Variants in BBS5 observed in about 807,000 individuals in gnomAD.
BBS5 encodes the protein Bardet-Biedl syndrome 5, also known as BBSome complex member BBS5.
Under a neutral mutation model 50.2 loss-of-function variants are expected in BBS5, and 39 were observed. The ratio of observed to expected loss-of-function variants is 0.78; its 90% CI spans 0.60 to 1.01. The LOEUF is 1.01. Among genes scored for constraint, BBS5 ranks in the 50% least tolerant of loss-of-function variants. The pLI is 0.00. For synonymous variants in BBS5, 134 were observed against 133.1 expected, an observed-to-expected ratio of 1.01 and a Z score of -0.05; for missense variants, 356 against 401.5, an observed-to-expected ratio of 0.89 and a Z score of 0.97.
At chr2:169,487,757 C>T in intron 3 of BBS5, 49 bp from the exon 4 acceptor site, 1 of 1,364,482 alleles carries the variant, frequency 7.3e-7, no homozygotes, top group Non-Finnish European at 1.0e-6. Context: ...AGTATTTTTT[C>T]TCAGTGTACC....
intron 2 of BBS5, among the ~76,000 whole-genome samples, chr2:169,485,291 C>T (rs975332470): frequency 1.5e-4 from 23 of 152,152 alleles, no homozygotes; most frequent in Non-Finnish European, 2.8e-4. Context: ...TATTGACAGT[C>T]ACTGTTCTGA....
At chr2:169,490,871 G>C (rs999433744) in intron 5 of BBS5, among the ~76,000 whole-genome samples, 1 of 152,116 alleles carries the variant, frequency 6.6e-6, no homozygotes, top group African/African-American at 2.4e-5. Context: ...ATATGGATTT[G>C]CCTGTTCTGG....
chr2:169,501,382 T>C (rs1683798565), intron 9 of BBS5, among the ~76,000 whole-genome samples: 1 of 152,140 alleles, frequency 6.6e-6, no homozygotes, highest in Admixed American at 6.6e-5. Flanking sequence ...TCAATCCCAG[T>C]TTCATCATTT....
intron 1 of BBS5, among the ~76,000 whole-genome samples, chr2:169,481,567 A>G (rs779905756): frequency 1.3e-5 from 2 of 152,072 alleles, no homozygotes. Context: ...TTCAATAGGT[A>G]GTTGAGTTGG....
At chr2:169,499,712 G>A (rs1683764525) in intron 9 of BBS5, 92 bp downstream of exon 9, 7 of 1,338,730 alleles carry the variant, frequency 5.2e-6, no homozygotes, top group Non-Finnish European at 7.5e-6. Flanking sequence ...ATTTAATTTT[G>A]AACTGTTTTT....
chr2:169,485,564 T>C (rs1351881847), intron 2 of BBS5, among the ~76,000 whole-genome samples: 2 of 152,202 alleles, frequency 1.3e-5, no homozygotes, highest in African/African-American at 4.8e-5. Context: ...CTCTACTGCC[T>C]CCATTGCTAA....
At chr2:169,481,651 A>T (rs1683398344) in intron 1 of BBS5, among the ~76,000 whole-genome samples, 4 of 150,848 alleles carry the variant, frequency 2.7e-5, no homozygotes, top group African/African-American at 9.7e-5. Flanking sequence ...TGTAGAATGT[A>T]TTCTGTCTGT....
intron 5 of BBS5, among the ~76,000 whole-genome samples, chr2:169,492,096 C>T (rs953367687): frequency 3.3e-5 from 5 of 151,536 alleles, no homozygotes; most frequent in African/African-American, 7.3e-5. Flanking sequence ...TGTGCCCGGC[C>T]GAGAAAAAGT....
intron 5 of BBS5, among the ~76,000 whole-genome samples, 167 bp downstream of exon 5, chr2:169,488,281 A>G (rs1683520752): frequency 6.6e-6 from 1 of 152,154 alleles, no homozygotes; most frequent in African/African-American, 2.4e-5. Flanking sequence ...TATTACATTT[A>G]TTGTGCACTT....
intron 5 of BBS5, among the ~76,000 whole-genome samples, chr2:169,491,752 G>C (rs1030876135): frequency 3.3e-5 from 5 of 151,290 alleles, no homozygotes; most frequent in African/African-American, 1.2e-4. Flanking sequence ...CTAGTTTTCT[G>C]TATAGAGGTA....
Position 169,504,490 on chromosome 2 carries a change from C to T in BBS5, c.934C>T (p.Arg312Cys), listed in dbSNP as rs766110650. The T allele has an allele frequency of 6.2e-7, 1 of 1,613,706 alleles. No homozygotes were observed. Among genetic ancestry groups the T allele is most frequent in the Non-Finnish European group, 8.5e-7 (1 of 1,179,716 alleles). ...CCTGTCTCCCAAAAAGCAACAAGATCGTGAACCTGTATTTTCAGAAGAACT... is the reference window on the plus strand; with the variant it reads ...CCTGTCTCCCAAAAAGCAACAAGATTGTGAACCTGTATTTTCAGAAGAACT... ...YFADGNKQQD[R>C]EPVFSEELGL... The change falls in exon 12 of 12, where the codon CGT becomes TGT. Residue 312 changes from arginine (R) to cysteine (C), a missense_variant. Coordinates refer to ENST00000295240, the MANE Select transcript of BBS5 (RefSeq NM_152384.3).
rs1683411446 is a variant in BBS5 at position 169,482,308 on chromosome 2, C to T, written c.117C>T (p.Asp39=). ...TTGATTGTTTAGATTCCATTGAAGA[C>T]ACCAAAGGAAATAATGGAGATAGAG... ...VLIDCLDSIE[D]TKGNNGDRGR... is the part of the protein sequence containing the mutation. The change falls in exon 2 of 12, where the codon GAC becomes GAT. Residue 39 remains aspartate, a synonymous_variant. Transcript: ENST00000295240. 2 of 1,604,918 alleles carry T rather than the reference C, an allele frequency of 1.2e-6. No homozygotes were observed. The highest frequency in any genetic ancestry group is 1.7e-6 in the Non-Finnish European group (2 of 1,171,904).
At position 169,488,116 on chromosome 2, in the gene BBS5, T is replaced by C; in HGVS notation, c.386+2T>C. The C allele has an allele frequency of 4.3e-6, 7 of 1,612,730 alleles. No homozygotes were observed. The highest frequency in any genetic ancestry group is 5.9e-6 in the Non-Finnish European group (7 of 1,179,074). ...TACTTCTGTGATGGCAGTACACAGG[T>C]ATAGTAATACTTTATGGATTATTGA... On this transcript the variant is annotated splice_donor_variant, in intron 5 of 11. Transcript: ENST00000295240. LOFTEE classifies it high-confidence loss of function.
At chr2:169,485,183 G>A (rs972307679) in intron 2 of BBS5, among the ~76,000 whole-genome samples, 1 of 152,128 alleles carries the variant, frequency 6.6e-6, no homozygotes, top group Non-Finnish European at 1.5e-5. Context: ...AGGTAAAATG[G>A]CGTAAGGAAA....
intron 2 of BBS5, among the ~76,000 whole-genome samples, chr2:169,486,598 T>C (rs1036874385): frequency 1.3e-5 from 2 of 152,202 alleles, no homozygotes; most frequent in African/African-American, 4.8e-5. Context: ...ATTGTGTGTA[T>C]AAATATATGG....
At position 169,505,022 on chromosome 2, in the gene BBS5, T is replaced by A; in HGVS notation, c.*440T>A. The A allele has an allele frequency of 6.3e-7, 1 of 1,589,054 alleles. No homozygotes were observed. On this transcript the variant is annotated 3_prime_UTR_variant, in exon 12 of 12. Coordinates refer to ENST00000295240, the MANE Select transcript of BBS5 (RefSeq NM_152384.3). ...CAAAATGGCCGAAGCTGGACTGTAC[T>A]GCTGCCATCTCTGGCTCACTGCAAC...
intron 8 of BBS5, among the ~76,000 whole-genome samples, chr2:169,497,994 C>G (rs1683726746): frequency 6.6e-6 from 1 of 152,140 alleles, no homozygotes; most frequent in Admixed American, 6.5e-5. Context: ...TACGATACAG[C>G]TACTATTTTT....
Position 169,487,793 on chromosome 2 carries a change from T to C in BBS5, c.209-13T>C. 1 of 1,597,782 alleles carries C rather than the reference T, an allele frequency of 6.3e-7. No individual in the cohort carries two copies. ...ATATCATGCTCTTTACATTCTTTGC[T>C]TTTGGATTTTAGCTGTCGGTTACAA... On this transcript the variant is annotated splice_polypyrimidine_tract_variant and intron_variant, in intron 3 of 11. Transcript: ENST00000295240.
intron 2 of BBS5, 104 bp from the exon 3 acceptor site, chr2:169,486,965 T>C: frequency 1.3e-6 from 1 of 789,148 alleles, no homozygotes; most frequent in Non-Finnish European, 2.3e-6. Flanking sequence ...AATATCTGAG[T>C]GTTGCTTCTA....
Sources: gnomAD v4.1 joint callset for allele counts (sites outside exome capture counted in the v4.1 genomes callset) on GRCh38, gnomAD v4.1.1 for gene constraint, MANE v1.5 for transcripts, NCBI Gene and HGNC (gene_info 2026-07-23, HGNC 2026-07-21) for gene names.